PTAR1: variants seen among roughly 807,000 people sequenced by gnomAD.
PTAR1 encodes protein prenyltransferase alpha subunit repeat-containing protein 1.
PTAR1 carries 17 observed loss-of-function variants against 45.5 expected under a neutral mutation model. That is an observed-to-expected ratio of 0.37 (90% CI 0.26 to 0.56). The LOEUF (loss-of-function observed/expected upper bound fraction) is 0.56, where lower values mean the gene tolerates loss of function less well. PTAR1 is among the 20% of genes least tolerant of loss of function. The pLI, the probability that PTAR1 is intolerant of heterozygous loss-of-function variation, is 0.77. For missense variants in PTAR1, 391 were observed against 476.3 expected (o/e 0.82, Z 1.67); for synonymous variants, 169 against 171.3 (o/e 0.99, Z 0.11).
rs753023006 is a variant in PTAR1 at position 69,713,145 on chromosome 9, A to C, written c.*5197T>G. The C allele has an allele frequency of 2.6e-5, 4 of 152,104 alleles. No homozygotes were observed. Among genetic ancestry groups the C allele is most frequent in the Non-Finnish European group, 5.9e-5 (4 of 67,994 alleles). The allele number at this position is 152,104 out of a possible 1,614,324, so 9.4% of individuals were successfully genotyped here. A position where few individuals can be genotyped will look rare whatever the true frequency, so the allele number is the denominator to read the frequency against. The stretch of plus-strand genomic sequence containing the variant: ...CAGAAAGCACAAATTATATATAGCT[A>C]ATATTCTTGGAAGCACAAGGTTTCA... On this transcript the variant is annotated 3_prime_UTR_variant, in exon 8 of 8. Coordinates refer to ENST00000340434, the MANE Select transcript of PTAR1 (RefSeq NM_001099666.2).
intron 1 of PTAR1, among the ~76,000 whole-genome samples, chr9:69,754,730 T>C (rs1826692663): frequency 6.7e-6 from 1 of 149,746 alleles, no homozygotes. Flanking sequence ...ATATTTTTTT[T>C]TTTTGGTAGA....
intron 2 of PTAR1, among the ~76,000 whole-genome samples, chr9:69,746,087 A>T (rs1826262058): frequency 1.3e-5 from 2 of 152,184 alleles, no homozygotes; most frequent in South Asian, 4.1e-4. Context: ...CAAACTGCTA[A>T]AACTTCCTCA....
At position 69,715,187 on chromosome 9, in the gene PTAR1, C is replaced by T. The variant is rs1171294336; in HGVS notation, c.*3155G>A. On this transcript the variant is annotated 3_prime_UTR_variant, in exon 8 of 8. Transcript: ENST00000340434. ...TTGGCTGGGATTTAACAAGTTTAAA[C>T]AAGGTAATGAAATGAAGAAAAAAAA... 6.6e-6 allele frequency: 1 copy of T among 151,708 alleles called. No homozygotes were observed. The highest frequency in any genetic ancestry group is 1.5e-5 in the Non-Finnish European group (1 of 67,930). The allele number at this position is 151,708 out of a possible 1,614,324, so 9.4% of individuals were successfully genotyped here. A position where few individuals can be genotyped will look rare whatever the true frequency, so the allele number is the denominator to read the frequency against.
Position 69,710,962 on chromosome 9 carries a change from ACTT to A in PTAR1, c.*7377_*7379del, listed in dbSNP as rs1489862347. ...TAATGGCAGAATATAGTAGCTGAGA[ACTT>A]CTTTTAAATGAAAGCTCCTCCATGT... On this transcript the variant is annotated 3_prime_UTR_variant, in exon 8 of 8. Transcript: ENST00000340434. The A allele has an allele frequency of 1.3e-5, 2 of 152,182 alleles. No homozygotes were observed. Among genetic ancestry groups the A allele is most frequent in the African/African-American group, 2.4e-5 (1 of 41,442 alleles). The allele number at this position is 152,182 out of a possible 1,614,324, so 9.4% of individuals were successfully genotyped here.
chr9:69,745,070 G>A (rs535283268), intron 2 of PTAR1, among the ~76,000 whole-genome samples: 1 of 152,296 alleles, frequency 6.6e-6, no homozygotes, highest in South Asian at 2.1e-4. Context: ...GGTGTTGTGA[G>A]CAATGAAATT....
At position 69,732,209 on chromosome 9, in the gene PTAR1, T is replaced by C. The variant is rs1223277732; in HGVS notation, c.572A>G (p.Tyr191Cys). The change falls in exon 5 of 8, where the codon TAC becomes TGC. Residue 191 changes from tyrosine to cysteine, a missense_variant. Physicochemically the swap from Tyr to Cys is radical, Grantham distance 194. Coordinates refer to ENST00000340434, the MANE Select transcript of PTAR1 (RefSeq NM_001099666.2). ...GGACCAAGCATTATAGTTGCTTGGG[T>C]ATCTCCCTGCTGCTTCACCACAGAC... ...MEVCGEAAGR[Y>C]PSNYNAWSHR... is the part of the protein sequence containing the mutation. The C allele has an allele frequency of 6.2e-7, 1 of 1,613,846 alleles. No homozygotes were observed. Among genetic ancestry groups the C allele is most frequent in the Non-Finnish European group, 8.5e-7 (1 of 1,179,816 alleles).
Position 69,759,807 on chromosome 9 carries a change from G to A in PTAR1, c.86+46C>T, listed in dbSNP as rs1564153581. 3.5e-6 allele frequency: 5 copies of A among 1,426,030 alleles called. No homozygotes were observed. The African/African-American group carries it at 6.0e-5, about 17-fold the overall frequency. 88.3% of individuals were successfully genotyped at this position (1,426,030 alleles called of 1,614,324 possible). A position where few individuals can be genotyped will look rare whatever the true frequency, so the allele number is the denominator to read the frequency against. ...CGGGTGGACGCTTGGCCCCGCCCCC[G>A]CCCGCTCCCGACGACCCTCGGAGGC... is the stretch of plus-strand genomic sequence containing the variant. On this transcript the variant is annotated intron_variant, in intron 1 of 7. Transcript: ENST00000340434.
chr9:69,741,716 G>T, intron 3 of PTAR1, 76 bp downstream of exon 3: 1 of 955,584 alleles, frequency 1.0e-6, no homozygotes. Flanking sequence ...GTTTTCAAAA[G>T]CTAACAACTT....
chr9:69,742,137 C>T (rs943006981), intron 2 of PTAR1, among the ~76,000 whole-genome samples: 1 of 152,086 alleles, frequency 6.6e-6, no homozygotes, highest in African/African-American at 2.4e-5. Context: ...CTTTTGGGTG[C>T]TTTTTGGTAC....
chr9:69,721,719 G>GC lies in PTAR1; in HGVS notation c.947+1606dup, dbSNP rs144759651. Among the ~76,000 whole-genome samples, 634 of 152,274 alleles carry GC rather than the reference G, an allele frequency of 4.2e-3. 9 individuals carry two copies. Among genetic ancestry groups the GC allele is most frequent in the African/African-American group, 0.014 (599 of 41,570 alleles). On this transcript the variant is annotated intron_variant, in intron 6 of 7. Transcript: ENST00000340434. ...TCAATCAGCAGCCACCAACACTGAG[G>GC]CAAGACCCTTCACCAGCAAAAGATT...
rs529174004 is a variant in PTAR1 at position 69,759,986 on chromosome 9, C to A, written c.-48G>T. The A allele has an allele frequency of 1.9e-4, 262 of 1,408,040 alleles. No homozygotes were observed. The African/African-American group carries it at 3.0e-3, about 16-fold the overall frequency. 87.2% of individuals were successfully genotyped at this position (1,408,040 alleles called of 1,614,324 possible). ...CGGGCGCGCCTCCGCGTGAGCCGGG[C>A]CGCCGGCGGGAGTTCCGCGGAGAAC... On this transcript the variant is annotated 5_prime_UTR_variant, in exon 1 of 8. Coordinates refer to ENST00000340434, the MANE Select transcript of PTAR1 (RefSeq NM_001099666.2).
chr9:69,720,101 A>T (rs1050619624), intron 6 of PTAR1, among the ~76,000 whole-genome samples: 1 of 152,200 alleles, frequency 6.6e-6, no homozygotes. Context: ...TCTCACTTTA[A>T]ATCAAAAGCT....
At chr9:69,759,722 C>G in intron 1 of PTAR1, 131 bp downstream of exon 1, 3 of 874,406 alleles carry the variant, frequency 3.4e-6, no homozygotes, top group Non-Finnish European at 4.9e-6. Context: ...CGACACGGCT[C>G]TGCCTCCTCC....
At chr9:69,733,637 A>G (rs1825650001) in intron 4 of PTAR1, among the ~76,000 whole-genome samples, 1 of 152,168 alleles carries the variant, frequency 6.6e-6, no homozygotes, top group Non-Finnish European at 1.5e-5. Flanking sequence ...ACTTTAGCTC[A>G]GCCTACACAG....
At chr9:69,758,588 G>A (rs1826907385) in intron 1 of PTAR1, 4 of 275,264 alleles carry the variant, frequency 1.5e-5, no homozygotes, top group Admixed American at 3.4e-5. Context: ...GAGGTGGCAG[G>A]TGTGTTTTGA....
chr9:69,746,893 G>A (rs1826298308), intron 2 of PTAR1, among the ~76,000 whole-genome samples: 1 of 152,226 alleles, frequency 6.6e-6, no homozygotes, highest in Non-Finnish European at 1.5e-5. Context: ...GTCTCTAACA[G>A]AGAAAGGTTT....
chr9:69,741,640 C>A, intron 3 of PTAR1, 152 bp downstream of exon 3: 1 of 566,246 alleles, frequency 1.8e-6, no homozygotes, highest in East Asian at 2.8e-5. Flanking sequence ...GGCAAAATGC[C>A]TATTTAGAAT....
chr9:69,724,051 G>A (rs1158258566), intron 5 of PTAR1, among the ~76,000 whole-genome samples: 3 of 152,118 alleles, frequency 2.0e-5, no homozygotes, highest in African/African-American at 7.2e-5. Context: ...TTTAATAAAT[G>A]TGTATAATAT....
At chr9:69,720,986 G>C (rs957010044) in intron 6 of PTAR1, among the ~76,000 whole-genome samples, 1 of 152,184 alleles carries the variant, frequency 6.6e-6, no homozygotes, top group South Asian at 2.1e-4. Flanking sequence ...TGCTAACACA[G>C]CATTCATTCT....
Sources: allele counts gnomAD v4.1 joint callset (sites outside exome capture counted in the v4.1 genomes callset), GRCh38; gene constraint gnomAD v4.1.1; transcripts MANE v1.5; gene names NCBI Gene and HGNC (gene_info 2026-07-23, HGNC 2026-07-21).